Variants in APOOL observed in about 807,000 individuals in gnomAD.
APOOL encodes MICOS complex subunit MIC27.
APOOL carries 12 observed loss-of-function variants against 23.1 expected under a neutral mutation model. The observed-to-expected ratio is 0.52, with a 90% CI of 0.33 to 0.84. The LOEUF (loss-of-function observed/expected upper bound fraction) is 0.84. Among genes scored for constraint, APOOL ranks in the 40% least tolerant of loss-of-function variants. The pLI is 0.02. For synonymous variants in APOOL, 77 were observed against 69.9 expected (o/e 1.10, Z -0.51); for missense variants, 212 against 199.6 (o/e 1.06, Z -0.37).
At chrX:85,021,313 C>T (rs1457708445) in intron 1 of APOOL, among the ~76,000 whole-genome samples, 1 of 111,226 alleles carries the variant, frequency 9.0e-6, no homozygotes. Flanking sequence ...TATAGTCAGC[C>T]TCCAGCCAAC....
intron 1 of APOOL, among the ~76,000 whole-genome samples, chrX:85,040,613 A>G (rs1284767348): frequency 2.7e-5 from 3 of 111,543 alleles, no homozygotes; most frequent in African/African-American, 9.8e-5. Context: ...GTTTTTGTCT[A>G]ACTGAGTTGA....
intron 1 of APOOL, among the ~76,000 whole-genome samples, chrX:85,045,790 A>G (rs1922554262): frequency 1.8e-5 from 2 of 111,920 alleles, no homozygotes; most frequent in Admixed American, 1.9e-4. Flanking sequence ...AACAGGTAAA[A>G]GGGAATGCAT....
chrX:85,086,136 T>C (rs1924282135), intron 8 of APOOL, among the ~76,000 whole-genome samples: 2 of 111,206 alleles, frequency 1.8e-5, no homozygotes, highest in African/African-American at 6.5e-5. Flanking sequence ...AATCCAGGAG[T>C]TGATTCTCAA....
intron 1 of APOOL, among the ~76,000 whole-genome samples, chrX:85,045,629 G>T (rs1462096944): frequency 9.0e-6 from 1 of 111,562 alleles, no homozygotes; most frequent in Non-Finnish European, 1.9e-5. Flanking sequence ...TTTACAGTTG[G>T]CCTTGTTGAA....
chrX:85,005,170 G>A (rs1176385381), intron 1 of APOOL, among the ~76,000 whole-genome samples: 1 of 107,947 alleles, frequency 9.3e-6, no homozygotes, highest in East Asian at 2.9e-4. Context: ...TTGAGACGGA[G>A]TCTCTCTCTG....
chrX:85,083,311 G>GTCCT (rs1924179353), intron 8 of APOOL, among the ~76,000 whole-genome samples: 1 of 111,263 alleles, frequency 9.0e-6, no homozygotes, highest in Non-Finnish European at 1.9e-5. Flanking sequence ...GAAGTTAACT[G>GTCCT]AAAAGGACTT....
At chrX:85,015,693 C>T (rs1316428217) in intron 1 of APOOL, among the ~76,000 whole-genome samples, 1 of 108,910 alleles carries the variant, frequency 9.2e-6, no homozygotes, top group Non-Finnish European at 1.9e-5. Flanking sequence ...CTCAGCCTCC[C>T]GAGTACCTGG....
intron 3 of APOOL, among the ~76,000 whole-genome samples, chrX:85,052,226 A>G (rs1922805791): frequency 8.9e-6 from 1 of 112,206 alleles, no homozygotes; most frequent in African/African-American, 3.2e-5. Context: ...TTCTTTGGCT[A>G]AGTAAAGTGT....
At chrX:85,082,812 A>T (rs761192695) in intron 8 of APOOL, among the ~76,000 whole-genome samples, 4 of 112,050 alleles carry the variant, frequency 3.6e-5, no homozygotes, top group Non-Finnish European at 7.5e-5. Flanking sequence ...TTCTAGAGAG[A>T]GGGCATGTGC....
At position 85,087,668 on chromosome X, in the gene APOOL, C is replaced by A. The variant is rs767964044; in HGVS notation, c.797C>A (p.Thr266Asn). Residue 266 changes from threonine to asparagine, a missense_variant, in exon 9 of 9, where the codon ACT (threonine) becomes AAT (asparagine). By Grantham distance (65) the Thr-to-Asn change is moderately conservative. Transcript: ENST00000373173. ...CCAGAAGATATAGATATGTACAGCA[C>A]TAGAAGCTGAAGTAGACTGCATGCA... ...SHPEDIDMYSTRS is the reference protein window; with the variant it reads ...SHPEDIDMYSNRS 10 of 1,185,361 alleles carry A rather than the reference C, an allele frequency of 8.4e-6. No homozygotes were observed. The highest frequency in any genetic ancestry group is 1.0e-5 in the Non-Finnish European group (9 of 882,843).
At chrX:85,052,859 T>G (rs1050653614) in intron 3 of APOOL, among the ~76,000 whole-genome samples, 1 of 111,753 alleles carries the variant, frequency 8.9e-6, no homozygotes, top group Non-Finnish European at 1.9e-5. Flanking sequence ...GAAATTTTTC[T>G]TCAGTGAGAT....
intron 5 of APOOL, among the ~76,000 whole-genome samples, chrX:85,056,765 T>A (rs1260400080): frequency 9.0e-6 from 1 of 111,675 alleles, no homozygotes; most frequent in African/African-American, 3.3e-5. Context: ...ATTTTAAAAT[T>A]ATCACACAGT....
intron 8 of APOOL, among the ~76,000 whole-genome samples, chrX:85,084,806 T>C (rs1271173735): frequency 1.8e-5 from 2 of 112,025 alleles, no homozygotes; most frequent in Non-Finnish European, 3.8e-5. Flanking sequence ...AGAATATAAA[T>C]TAAGGAAGTA....
At chrX:85,084,778 T>G (rs776652705) in intron 8 of APOOL, among the ~76,000 whole-genome samples, 4 of 111,947 alleles carry the variant, frequency 3.6e-5, no homozygotes, top group Admixed American at 9.5e-5. Context: ...AGCTGAATCT[T>G]TCACCAAACT....
At chrX:85,035,881 C>A (rs768012113) in intron 1 of APOOL, among the ~76,000 whole-genome samples, 4 of 111,864 alleles carry the variant, frequency 3.6e-5, no homozygotes, top group Non-Finnish European at 7.5e-5. Context: ...GTTACTATAG[C>A]CTTGTACTGT....
intron 8 of APOOL, among the ~76,000 whole-genome samples, chrX:85,078,227 A>G (rs1410718774): frequency 8.9e-6 from 1 of 112,138 alleles, no homozygotes; most frequent in African/African-American, 3.2e-5. Context: ...TTTTAAGTCT[A>G]ACATTTAAGT....
At position 85,070,628 on chromosome X, in the gene APOOL, C is replaced by T. The variant is rs183444576; in HGVS notation, c.487-3370C>T. ...GTGTACAACATGATGATTTGACATACATATACATTGTGTAATGATTATTAC... is the reference window on the plus strand; with the variant it reads ...GTGTACAACATGATGATTTGACATATATATACATTGTGTAATGATTATTAC... On this transcript the variant is annotated intron_variant, in intron 6 of 8. Coordinates refer to ENST00000373173, the MANE Select transcript of APOOL (RefSeq NM_198450.6). Among the ~76,000 whole-genome samples the T allele has an allele frequency of 5.1e-3, 566 of 111,101 alleles. 3 individuals carry two copies. The highest frequency in any genetic ancestry group is 8.5e-3 in the Non-Finnish European group (448 of 52,999).
In APOOL at chrX:85,075,032, A is replaced by G. The variant is rs766274631; in HGVS notation, c.718+641A>G. On this transcript the variant is annotated intron_variant, in intron 8 of 8. Transcript: ENST00000373173. ...CAAAGTGTTTAATACCATTTTGACA[A>G]TGTATTCATATTGATTTGCATAGGT... Among the ~76,000 whole-genome samples, 3 of 110,438 alleles carry G rather than the reference A, an allele frequency of 2.7e-5. No individual in the cohort carries two copies. The South Asian group carries it at 1.2e-3, about 43-fold the overall frequency.
chrX:85,032,188 G>A (rs1447178749), intron 1 of APOOL, among the ~76,000 whole-genome samples: 1 of 112,443 alleles, frequency 8.9e-6, no homozygotes, highest in Non-Finnish European at 1.9e-5. Context: ...GAATTTTGCT[G>A]ATCTGTTGTG....
Sources: gnomAD v4.1 joint callset for allele counts (sites outside exome capture counted in the v4.1 genomes callset) on GRCh38, gnomAD v4.1.1 for gene constraint, MANE v1.5 for transcripts, NCBI Gene and HGNC (gene_info 2026-07-23, HGNC 2026-07-21) for gene names.